The following UBE2G1 variants were observed in gnomAD, a reference collection of about 807,000 sequenced individuals.
The protein encoded by UBE2G1 is ubiquitin conjugating enzyme E2 G1, also known as ubiquitin-conjugating enzyme E2 G1.
In UBE2G1, 5 loss-of-function variants were observed where a neutral mutation model predicts 22.7. That is an observed-to-expected ratio of 0.22 (90% CI 0.12 to 0.46). The LOEUF is 0.46. UBE2G1 is among the 20% of genes least tolerant of loss of function. The pLI is 0.99. For synonymous variants in UBE2G1, 74 were observed against 67.5 expected (o/e 1.10, Z -0.47); for missense variants, 88 against 203.9 (o/e 0.43, Z 3.46).
At chr17:4,355,552 G>C (rs1459615336) in intron 1 of UBE2G1, among the ~76,000 whole-genome samples, 1 of 146,540 alleles carries the variant, frequency 6.8e-6, no homozygotes, top group Non-Finnish European at 1.5e-5. Flanking sequence ...TGAGGCGGGA[G>C]AATCGCTTGA....
intron 1 of UBE2G1, among the ~76,000 whole-genome samples, chr17:4,325,033 C>T (rs1446787157): frequency 6.6e-6 from 1 of 151,728 alleles, no homozygotes; most frequent in Non-Finnish European, 1.5e-5. Context: ...GCCAAGATCG[C>T]GCCACTGCAC....
At chr17:4,362,743 T>C (rs1969983132) in intron 1 of UBE2G1, among the ~76,000 whole-genome samples, 1 of 152,156 alleles carries the variant, frequency 6.6e-6, no homozygotes, top group Non-Finnish European at 1.5e-5. Flanking sequence ...GCCTGTAATC[T>C]CAGCTACTGG....
In UBE2G1 at chr17:4,287,353, C is replaced by T. The variant is rs1567515449; in HGVS notation, c.426+1877G>A. On this transcript the variant is annotated intron_variant, in intron 4 of 5. Transcript: ENST00000396981. ...TCCTGACCTTGTGATCTGCCCACCT[C>T]GGCCTCCCAAACGGCTGGGATTACA... Among the ~76,000 whole-genome samples, 4 of 152,128 alleles carry T rather than the reference C, an allele frequency of 2.6e-5. No homozygotes were observed. In the South Asian group the frequency reaches 6.2e-4, roughly 24 times the overall value.
At chr17:4,295,371 T>C (rs907229193) in intron 3 of UBE2G1, among the ~76,000 whole-genome samples, 5 of 152,348 alleles carry the variant, frequency 3.3e-5, no homozygotes, top group African/African-American at 1.2e-4. Flanking sequence ...TAAAATACGC[T>C]AAGTCCCTTG....
chr17:4,344,889 G>A (rs1269069437), intron 1 of UBE2G1, among the ~76,000 whole-genome samples: 1 of 151,938 alleles, frequency 6.6e-6, no homozygotes, highest in African/African-American at 2.4e-5. Flanking sequence ...AAAATAAAAG[G>A]GATGAGAGTT....
intron 1 of UBE2G1, among the ~76,000 whole-genome samples, chr17:4,360,784 G>A (rs1969957432): frequency 6.6e-6 from 1 of 152,158 alleles, no homozygotes; most frequent in African/African-American, 2.4e-5. Flanking sequence ...AGTGGCACAT[G>A]CCTGTAATCC....
intron 4 of UBE2G1, among the ~76,000 whole-genome samples, chr17:4,285,818 G>A (rs1056839055): frequency 1.4e-4 from 21 of 152,210 alleles, no homozygotes; most frequent in Non-Finnish European, 2.8e-4. Flanking sequence ...GGGCATGGTG[G>A]CACGCACCTG....
chr17:4,283,645 G>C (rs1005169887), intron 4 of UBE2G1, among the ~76,000 whole-genome samples: 1 of 152,126 alleles, frequency 6.6e-6, no homozygotes, highest in Non-Finnish European at 1.5e-5. Flanking sequence ...CATTTCTACT[G>C]TAGAGGAAAA....
intron 1 of UBE2G1, among the ~76,000 whole-genome samples, chr17:4,324,806 G>A (rs956487816): frequency 5.9e-5 from 9 of 152,144 alleles, no homozygotes; most frequent in Admixed American, 1.3e-4. Context: ...GGCCGGGCGC[G>A]GTGGCTCACG....
intron 1 of UBE2G1, among the ~76,000 whole-genome samples, chr17:4,314,182 A>C (rs765201148): frequency 2.6e-5 from 4 of 152,206 alleles, no homozygotes; most frequent in Non-Finnish European, 5.9e-5. Context: ...ATTTATCACT[A>C]AAACGGACCA....
At chr17:4,354,711 G>A (rs1969885088) in intron 1 of UBE2G1, among the ~76,000 whole-genome samples, 1 of 152,076 alleles carries the variant, frequency 6.6e-6, no homozygotes, top group African/African-American at 2.4e-5. Context: ...TGGGAGGATT[G>A]CTTGAACCCA....
In UBE2G1 at chr17:4,277,373, C is replaced by G. The variant is rs113318580; in HGVS notation, c.*38-4857G>C. Among the ~76,000 whole-genome samples, 192 of 152,300 alleles carry G rather than the reference C, an allele frequency of 1.3e-3. 2 individuals carry two copies. Among genetic ancestry groups the G allele is most frequent in the African/African-American group, 4.4e-3 (182 of 41,564 alleles). On this transcript the variant is annotated intron_variant, in intron 5 of 5. Transcript: ENST00000396981. Reference sequence around the variant, plus strand: ...TAAGTTTTAGTAATTTGTTACGTAGCAATAAAGAACCAATACAGTCCCTCT... The same window carrying G: ...TAAGTTTTAGTAATTTGTTACGTAGGAATAAAGAACCAATACAGTCCCTCT...
chr17:4,306,682 C>G (rs1969252405), intron 2 of UBE2G1, among the ~76,000 whole-genome samples: 1 of 151,942 alleles, frequency 6.6e-6, no homozygotes, highest in Non-Finnish European at 1.5e-5. Flanking sequence ...GATGGAGTCT[C>G]ACTCTGTCAC....
At chr17:4,325,464 A>C (rs1404592189) in intron 1 of UBE2G1, among the ~76,000 whole-genome samples, 1 of 152,244 alleles carries the variant, frequency 6.6e-6, no homozygotes, top group African/African-American at 2.4e-5. Context: ...GTATAAGTGA[A>C]TATATGAAAG....
At chr17:4,337,399 T>A (rs1469451149) in intron 1 of UBE2G1, among the ~76,000 whole-genome samples, 1 of 149,748 alleles carries the variant, frequency 6.7e-6, no homozygotes, top group Non-Finnish European at 1.5e-5. Flanking sequence ...ACGCCTGTAA[T>A]CCCAGCACTT....
intron 1 of UBE2G1, among the ~76,000 whole-genome samples, chr17:4,309,258 CAAAAAT>C (rs1450605724): frequency 6.6e-6 from 1 of 152,074 alleles, no homozygotes; most frequent in African/African-American, 2.4e-5. Flanking sequence ...GACTCCGTCT[CAAAAAT>C]AAAAATAAAA....
At chr17:4,351,550 C>T (rs1388882212) in intron 1 of UBE2G1, among the ~76,000 whole-genome samples, 1 of 152,274 alleles carries the variant, frequency 6.6e-6, no homozygotes, top group South Asian at 2.1e-4. Flanking sequence ...AGCAAAAATA[C>T]AGTATTTTCC....
chr17:4,273,774 C>G (rs1968788310), intron 5 of UBE2G1, among the ~76,000 whole-genome samples: 2 of 152,158 alleles, frequency 1.3e-5, no homozygotes, highest in African/African-American at 4.8e-5. Flanking sequence ...AGGACTGCAT[C>G]TTTAGGTCAA....
chr17:4,291,968 A>G (rs901798101), intron 3 of UBE2G1, among the ~76,000 whole-genome samples: 2 of 152,102 alleles, frequency 1.3e-5, no homozygotes, highest in Non-Finnish European at 2.9e-5. Flanking sequence ...TTTTCCCCAT[A>G]TAATTTTTGC....
Sources: gnomAD v4.1 joint callset for allele counts (sites outside exome capture counted in the v4.1 genomes callset) on GRCh38, gnomAD v4.1.1 for gene constraint, MANE v1.5 for transcripts, NCBI Gene and HGNC (gene_info 2026-07-23, HGNC 2026-07-21) for gene names.